The following CASTOR2 variants were observed in gnomAD, a reference collection of about 807,000 sequenced individuals.
The protein encoded by CASTOR2 is GATS protein like 2.
CASTOR2 carries 8 observed loss-of-function variants against 31.2 expected under a neutral mutation model. That is an observed-to-expected ratio of 0.26 (90% CI 0.15 to 0.46). CASTOR2 has a LOEUF of 0.46. Among genes scored for constraint, CASTOR2 ranks in the 20% least tolerant of loss-of-function variants. The pLI is 0.99. For missense variants in CASTOR2, 216 were observed against 382.1 expected (o/e 0.57, Z 3.62); for synonymous variants, 162 against 158.7 (o/e 1.02, Z -0.16).
chr7:74,984,193 T>C (rs1804011623), intron 1 of CASTOR2, among the ~76,000 whole-genome samples: 1 of 149,230 alleles, frequency 6.7e-6, no homozygotes, highest in Non-Finnish European at 1.5e-5. Flanking sequence ...CCATGAATAC[T>C]TGGGTTTTCG....
intron 1 of CASTOR2, among the ~76,000 whole-genome samples, chr7:74,986,700 A>G (rs1162773549): frequency 1.3e-5 from 2 of 151,926 alleles, no homozygotes; most frequent in Non-Finnish European, 2.9e-5. Flanking sequence ...GCTCCTACCT[A>G]TACTGCAGGC....
intron 1 of CASTOR2, among the ~76,000 whole-genome samples, chr7:74,974,493 A>G (rs1803754494): frequency 6.7e-6 from 1 of 150,360 alleles, no homozygotes; most frequent in Non-Finnish European, 1.5e-5. Context: ...ATGGAGGGAC[A>G]CAACTGGAGT....
intron 1 of CASTOR2, among the ~76,000 whole-genome samples, chr7:74,980,596 C>T (rs1168850717): frequency 1.5e-5 from 2 of 134,844 alleles, no homozygotes; most frequent in Non-Finnish European, 3.0e-5. Flanking sequence ...GTGCCCTCTA[C>T]TTGATGCAAG....
intron 1 of CASTOR2, among the ~76,000 whole-genome samples, chr7:74,974,646 C>T (rs1554435429): frequency 7.3e-6 from 1 of 137,426 alleles, no homozygotes; most frequent in Non-Finnish European, 1.5e-5. Flanking sequence ...ACTGCAACCT[C>T]TGCTTCCTGG....
chr7:74,979,398 T>A (rs1265696152), intron 1 of CASTOR2, among the ~76,000 whole-genome samples: 1 of 148,596 alleles, frequency 6.7e-6, no homozygotes, highest in African/African-American at 2.5e-5. Context: ...CCATATTTTT[T>A]TTTTTTTTTT....
chr7:74,988,471 A>G (rs1407096804), intron 1 of CASTOR2, among the ~76,000 whole-genome samples: 4 of 151,286 alleles, frequency 2.6e-5, no homozygotes, highest in African/African-American at 9.7e-5. Context: ...CTAATTTTTT[A>G]TGTTTTTAGT....
intron 2 of CASTOR2, among the ~76,000 whole-genome samples, chr7:75,008,569 T>G (rs1195461010): frequency 6.6e-6 from 1 of 152,006 alleles, no homozygotes; most frequent in Non-Finnish European, 1.5e-5. Context: ...GATGGCATGT[T>G]CCTGTGGTCC....
At chr7:75,001,567 C>G (rs1324083330) in intron 1 of CASTOR2, among the ~76,000 whole-genome samples, 1 of 152,230 alleles carries the variant, frequency 6.6e-6, no homozygotes, top group East Asian at 1.9e-4. Flanking sequence ...GAGACCTTAG[C>G]TTCTCCAAGA....
At chr7:75,010,101 T>C (rs1804703063) in intron 2 of CASTOR2, among the ~76,000 whole-genome samples, 1 of 151,836 alleles carries the variant, frequency 6.6e-6, no homozygotes, top group African/African-American at 2.4e-5. Flanking sequence ...TCCTATACTT[T>C]ATTTGGGTTA....
chr7:74,995,923 A>C lies in CASTOR2; in HGVS notation c.114-12071A>C, dbSNP rs1308806426. The stretch of plus-strand genomic sequence containing the variant: ...CCAGAAGTCTGAGGCTGCTGCAGTG[A>C]GCTATGATTGCACCATTGCACTCCA... On this transcript the variant is annotated intron_variant, in intron 1 of 8. Transcript: ENST00000616305. 4.5e-3 allele frequency among the ~76,000 whole-genome samples: 677 copies of C among 151,888 alleles called. 6 individuals are homozygous for C. The highest frequency in any genetic ancestry group is 0.014 in the Middle Eastern group (4 of 290).
In CASTOR2 at chr7:75,017,748, T is replaced by C; in HGVS notation, c.335T>C (p.Ile112Thr). 1 of 1,613,992 alleles carries C rather than the reference T, an allele frequency of 6.2e-7. No individual in the cohort carries two copies. Among genetic ancestry groups the C allele is most frequent in the Non-Finnish European group, 8.5e-7 (1 of 1,179,880 alleles). The change falls in exon 3 of 9, where the codon ATA becomes ACA. Residue 112 changes from isoleucine (I) to threonine (T), a missense_variant. This residue lies in a region of CASTOR2 where 114 missense variants were observed against 194.2 expected (regional missense o/e 0.59). Transcript: ENST00000616305. ...ATCGCCCCACTGGCTGACCAGAACA[T>C]ATCCGTGTTCATGCTGTCCACGTAT... ...SVIAPLADQN[I>T]SVFMLSTYQT...
At chr7:74,985,463 G>A (rs1191297698) in intron 1 of CASTOR2, among the ~76,000 whole-genome samples, 4 of 151,430 alleles carry the variant, frequency 2.6e-5, no homozygotes, top group East Asian at 1.9e-4. Context: ...TGCCTGTAGT[G>A]CCAACTATTC....
intron 1 of CASTOR2, among the ~76,000 whole-genome samples, chr7:75,005,658 A>G (rs2131943008): frequency 6.6e-6 from 1 of 152,332 alleles, no homozygotes; most frequent in South Asian, 2.1e-4. Context: ...CAGGAGCAGG[A>G]TAGCTGAGGC....
Position 74,965,882 on chromosome 7 carries a change from ACTCTCTCTCT to A in CASTOR2, c.113+806_113+815del, listed in dbSNP as rs1162058092. On this transcript the variant is annotated intron_variant, in intron 1 of 8. Coordinates refer to ENST00000616305, the MANE Select transcript of CASTOR2 (RefSeq NM_001145064.3). ...CACACACACACACACACACACACAC[ACTCTCTCTCT>A]CTCTCTCTCTCTCTCTCTCTCACTT... 7.3e-4 allele frequency among the ~76,000 whole-genome samples: 14 copies of A among 19,082 alleles called. 1 individual carries two copies. Among genetic ancestry groups the A allele is most frequent in the South Asian group, 1.8e-3 (1 of 546 alleles). 12.5% of individuals were successfully genotyped at this position (19,082 alleles called of 152,430 possible). A position where few individuals can be genotyped will look rare whatever the true frequency, so the allele number is the denominator to read the frequency against.
At chr7:75,010,681 C>G (rs1206956927) in intron 2 of CASTOR2, among the ~76,000 whole-genome samples, 16 of 152,130 alleles carry the variant, frequency 1.1e-4, no homozygotes, top group African/African-American at 3.6e-4. Flanking sequence ...ACTGGGAAAG[C>G]AGGTTTCAAT....
chr7:74,999,636 T>TG (rs1804446722), intron 1 of CASTOR2, among the ~76,000 whole-genome samples: 21 of 120,324 alleles, frequency 1.7e-4, no homozygotes, highest in Non-Finnish European at 2.7e-4. Context: ...TTTTTTTTTT[T>TG]GAGACGGAAT....
chr7:75,013,545 C>A (rs1283395124), intron 2 of CASTOR2, among the ~76,000 whole-genome samples: 1 of 151,850 alleles, frequency 6.6e-6, no homozygotes, highest in African/African-American at 2.4e-5. Flanking sequence ...CGGTGGGCTG[C>A]GGTGGGAGGA....
Position 75,025,217 on chromosome 7 carries a change from C to T in CASTOR2, c.*518C>T, listed in dbSNP as rs1328471177. On this transcript the variant is annotated 3_prime_UTR_variant, in exon 9 of 9. Transcript: ENST00000616305. ...CTGGTTCCCTCGGAGTGGAGGCCAGCGTGGCCCCCTCAGGTCATCGGGGCT... is the reference window on the plus strand; with the variant it reads ...CTGGTTCCCTCGGAGTGGAGGCCAGTGTGGCCCCCTCAGGTCATCGGGGCT... 6.6e-6 allele frequency among the ~76,000 whole-genome samples: 1 copy of T among 152,204 alleles called. No individual in the cohort carries two copies. Among genetic ancestry groups the T allele is most frequent in the Non-Finnish European group, 1.5e-5 (1 of 68,028 alleles).
intron 1 of CASTOR2, among the ~76,000 whole-genome samples, chr7:74,986,010 C>T (rs1400206459): frequency 2.0e-5 from 3 of 152,078 alleles, no homozygotes; most frequent in Admixed American, 6.6e-5. Flanking sequence ...TCACTGCAAC[C>T]TCCACCTTCC....
Sources: gnomAD v4.1 joint callset for allele counts (sites outside exome capture counted in the v4.1 genomes callset) on GRCh38, gnomAD v4.1.1 for gene constraint, gnomAD v4.1.1 regional missense constraint, MANE v1.5 for transcripts, NCBI Gene and HGNC (gene_info 2026-07-23, HGNC 2026-07-21) for gene names.